The following EXOC4 variants were observed in gnomAD, a reference collection of about 807,000 sequenced individuals.
The protein encoded by EXOC4 is exocyst complex component 4.
In EXOC4, 71 loss-of-function variants were observed where a neutral mutation model predicts 107.2. The ratio of observed to expected loss-of-function variants is 0.66; its 90% CI spans 0.55 to 0.81. The LOEUF (loss-of-function observed/expected upper bound fraction) is 0.81, where lower values mean the gene tolerates loss of function less well. Ranked by LOEUF, EXOC4 falls within the 30% of genes least tolerant of loss-of-function variation. EXOC4 has a pLI of 0.00. For synonymous variants in EXOC4, 456 were observed against 441.2 expected, an observed-to-expected ratio of 1.03 and a Z score of -0.42; for missense variants, 1,108 against 1,189.6, an observed-to-expected ratio of 0.93 and a Z score of 1.01.
At chr7:133,922,216 A>G (rs1799952165) in intron 13 of EXOC4, among the ~76,000 whole-genome samples, 1 of 152,164 alleles carries the variant, frequency 6.6e-6, no homozygotes, top group Non-Finnish European at 1.5e-5. Context: ...GCCAATTTTT[A>G]CACTGTTCAC....
chr7:133,946,692 T>C (rs1425228377), intron 14 of EXOC4, among the ~76,000 whole-genome samples: 1 of 152,266 alleles, frequency 6.6e-6, no homozygotes, highest in Non-Finnish European at 1.5e-5. Flanking sequence ...GGAATGGAGA[T>C]GCTGCTTGTT....
intron 10 of EXOC4, among the ~76,000 whole-genome samples, chr7:133,714,148 C>T (rs1420834947): frequency 6.6e-6 from 1 of 152,070 alleles, no homozygotes; most frequent in East Asian, 1.9e-4. Flanking sequence ...CTGCAAAAAA[C>T]TCTTTTGCAG....
intron 10 of EXOC4, among the ~76,000 whole-genome samples, chr7:133,639,276 C>T (rs1488791224): frequency 1.3e-5 from 2 of 152,150 alleles, no homozygotes; most frequent in East Asian, 3.9e-4. Context: ...GACACACACA[C>T]CCCCTCTTTC....
intron 10 of EXOC4, among the ~76,000 whole-genome samples, chr7:133,758,488 T>A (rs182124001): frequency 1.8e-3 from 267 of 152,266 alleles, no homozygotes; most frequent in Middle Eastern, 0.014. Flanking sequence ...GCTTATGATA[T>A]CCCAGGCCCT....
At chr7:133,836,116 C>T (rs1797912961) in intron 11 of EXOC4, among the ~76,000 whole-genome samples, 1 of 152,166 alleles carries the variant, frequency 6.6e-6, no homozygotes, top group Non-Finnish European at 1.5e-5. Flanking sequence ...ATATAGCAGA[C>T]AGGCAATGTT....
chr7:133,513,345 G>A (rs1196334129), intron 9 of EXOC4, among the ~76,000 whole-genome samples: 1 of 152,064 alleles, frequency 6.6e-6, no homozygotes, highest in Non-Finnish European at 1.5e-5. Context: ...TGGGATTACA[G>A]GCACAAGCCA....
intron 11 of EXOC4, among the ~76,000 whole-genome samples, chr7:133,850,116 A>G (rs540538223): frequency 5.1e-4 from 78 of 152,204 alleles, no homozygotes; most frequent in Non-Finnish European, 9.8e-4. Flanking sequence ...AACACTGCCA[A>G]TTCCTGTGAT....
chr7:133,520,540 T>G (rs1049293587), intron 9 of EXOC4, among the ~76,000 whole-genome samples: 1 of 152,168 alleles, frequency 6.6e-6, no homozygotes, highest in African/African-American at 2.4e-5. Context: ...GCAGCATACA[T>G]TAACTTTCTT....
At chr7:133,858,751 A>G (rs1372215626) in intron 11 of EXOC4, among the ~76,000 whole-genome samples, 1 of 152,166 alleles carries the variant, frequency 6.6e-6, no homozygotes, top group East Asian at 1.9e-4. Flanking sequence ...GTCTTCCTGT[A>G]CTTTTACCCC....
At position 133,969,560 on chromosome 7, in the gene EXOC4, C is replaced by G. The variant is rs973926429; in HGVS notation, c.2207-27932C>G. ...CCTTTTTATTGATGTTGATGCTATT[C>G]TTTTCTGTTTGTTAGTTTCCCTTCT... On this transcript the variant is annotated intron_variant, in intron 14 of 17. Coordinates refer to ENST00000253861, the MANE Select transcript of EXOC4 (RefSeq NM_021807.4). 3.3e-5 allele frequency among the ~76,000 whole-genome samples: 5 copies of G among 152,146 alleles called. No individual in the cohort carries two copies. In the East Asian group the frequency reaches 9.6e-4, roughly 29 times the overall value.
intron 14 of EXOC4, among the ~76,000 whole-genome samples, chr7:133,953,714 A>G (rs1453289890): frequency 1.3e-5 from 2 of 152,204 alleles, no homozygotes; most frequent in Non-Finnish European, 2.9e-5. Flanking sequence ...ACTCCTAGAG[A>G]ATTCAAAATT....
At chr7:134,076,475 G>A in the EXOC4 span, among the ~76,000 whole-genome samples, 96 of 151,996 alleles carry the variant, frequency 6.3e-4, no homozygotes, top group Non-Finnish European at 8.4e-4. Context: ...CCGAGATCAC[G>A]CCACTTCACT....
At chr7:133,997,710 G>A in intron 15 of EXOC4, 77 bp downstream of exon 15, 1 of 1,486,122 alleles carries the variant, frequency 6.7e-7, no homozygotes, top group Middle Eastern at 1.8e-4. Context: ...TTTCCAGGCA[G>A]TATCACCATA....
chr7:133,378,037 G>A (rs964307913), intron 7 of EXOC4, among the ~76,000 whole-genome samples: 12 of 151,920 alleles, frequency 7.9e-5, no homozygotes, highest in East Asian at 3.9e-4. Flanking sequence ...TCAGCCATGC[G>A]CGATGGCTCA....
intron 9 of EXOC4, among the ~76,000 whole-genome samples, chr7:133,523,532 G>A (rs941642299): frequency 6.6e-5 from 10 of 151,166 alleles, no homozygotes; most frequent in African/African-American, 1.9e-4. Flanking sequence ...ATGCTGGTGC[G>A]CTGCACCCAC....
At chr7:133,253,724 AG>A in intron 1 of EXOC4, 1 of 164,388 alleles carries the variant, frequency 6.1e-6, no homozygotes, top group East Asian at 1.9e-4. Context: ...CTGGGTTTGA[AG>A]GCACACATCG....
rs1049507525 is a variant in EXOC4, at chr7:133,803,961, C to T, written c.1515-13364C>T. On this transcript the variant is annotated intron_variant, in intron 10 of 17. Transcript: ENST00000253861. ...GGCTTAAAATATTTAGTTTGGTTTA[C>T]TGTTAGTTCACTTTTGATGTGAATT... 3.9e-5 allele frequency among the ~76,000 whole-genome samples: 6 copies of T among 152,096 alleles called. No homozygotes were observed. In the South Asian group the frequency reaches 1.2e-3, roughly 32 times the overall value.
chr7:133,279,984 G>T (rs755955918), intron 2 of EXOC4, among the ~76,000 whole-genome samples: 1 of 151,986 alleles, frequency 6.6e-6, no homozygotes. Context: ...TAGAGATAGG[G>T]TTTCACTCTG....
intron 10 of EXOC4, among the ~76,000 whole-genome samples, chr7:133,723,992 G>A (rs1224809509): frequency 6.6e-6 from 1 of 152,064 alleles, no homozygotes; most frequent in East Asian, 1.9e-4. Flanking sequence ...AGAATTAAAA[G>A]CGAAGCCCTG....
Sources: allele counts gnomAD v4.1 joint callset (sites outside exome capture counted in the v4.1 genomes callset), GRCh38; gene constraint gnomAD v4.1.1; transcripts MANE v1.5; gene names NCBI Gene and HGNC (gene_info 2026-07-23, HGNC 2026-07-21).